Variants in HS2ST1 observed in about 807,000 individuals in gnomAD.
HS2ST1 encodes heparan sulfate 2-O-sulfotransferase 1, also known as 2-O-sulfotransferase.
Under a neutral mutation model 42.9 loss-of-function variants are expected in HS2ST1, and 18 were observed. That is an observed-to-expected ratio of 0.42 (90% confidence interval 0.29 to 0.62). The LOEUF is 0.62. Ranked by LOEUF, HS2ST1 falls within the 20% of genes least tolerant of loss-of-function variation. The pLI is 0.21. For missense variants in HS2ST1, 334 were observed against 433.8 expected (o/e 0.77, Z 2.04); for synonymous variants, 146 against 152.9 (o/e 0.95, Z 0.33).
chr1:87,024,035 G>A (rs952887451), intron 1 of HS2ST1, among the ~76,000 whole-genome samples: 12 of 152,114 alleles, frequency 7.9e-5, no homozygotes, highest in African/African-American at 2.4e-4. Flanking sequence ...AATGGATGTA[G>A]AAGATATAGG....
At position 86,992,981 on chromosome 1, in the gene HS2ST1, G is replaced by A. The variant is rs563389259; in HGVS notation, c.124+77821G>A. 101 of 1,290,144 alleles carry A rather than the reference G, an allele frequency of 7.8e-5. No individual in the cohort carries two copies. In the South Asian group the frequency reaches 1.0e-3, roughly 13 times the overall value. 79.9% of individuals were successfully genotyped at this position (1,290,144 alleles called of 1,614,324 possible). ...CCTGTTTGTTCACATTCTTCTTGGC[G>A]TCTGTGTCTATGTTCCTTTCCTCCC... On this transcript the variant is annotated intron_variant, in intron 1 of 6. Transcript: ENST00000370550.
chr1:87,034,231 C>G (rs1650315765), intron 1 of HS2ST1, among the ~76,000 whole-genome samples: 1 of 152,058 alleles, frequency 6.6e-6, no homozygotes, highest in Non-Finnish European at 1.5e-5. Flanking sequence ...TCATGACAAA[C>G]AAAAATGTAA....
intron 1 of HS2ST1, among the ~76,000 whole-genome samples, chr1:86,929,374 G>A (rs887371241): frequency 2.0e-5 from 3 of 151,774 alleles, no homozygotes; most frequent in African/African-American, 7.2e-5. Flanking sequence ...ATGAGTTATA[G>A]ATTTGACATT....
intron 1 of HS2ST1, among the ~76,000 whole-genome samples, chr1:86,974,832 G>A (rs1648347833): frequency 6.6e-6 from 1 of 152,152 alleles, no homozygotes; most frequent in South Asian, 2.1e-4. Context: ...CATGTCTTTA[G>A]GTCTGAGACT....
At chr1:86,979,744 T>TA (rs1219868874) in intron 1 of HS2ST1, among the ~76,000 whole-genome samples, 1 of 152,236 alleles carries the variant, frequency 6.6e-6, no homozygotes, top group Non-Finnish European at 1.5e-5. Flanking sequence ...TGCTCAGTCA[T>TA]ACGGTAATTC....
intron 5 of HS2ST1, among the ~76,000 whole-genome samples, chr1:87,099,829 C>G (rs924686299): frequency 2.0e-5 from 3 of 152,144 alleles, no homozygotes; most frequent in Non-Finnish European, 2.9e-5. Context: ...ATTTCCCTTC[C>G]AAAAGGGAGA....
intron 1 of HS2ST1, among the ~76,000 whole-genome samples, chr1:87,020,574 G>T (rs1157812401): frequency 6.6e-6 from 1 of 152,108 alleles, no homozygotes. Context: ...GTTTGTGAGG[G>T]CTGCCATAAC....
chr1:86,975,118 T>G (rs1240626443), intron 1 of HS2ST1, among the ~76,000 whole-genome samples: 1 of 152,146 alleles, frequency 6.6e-6, no homozygotes, highest in African/African-American at 2.4e-5. Context: ...CTTATGTATC[T>G]ACATGAACCT....
At chr1:87,046,257 T>C in intron 1 of HS2ST1, 1 of 773,524 alleles carries the variant, frequency 1.3e-6, no homozygotes, top group Non-Finnish European at 2.3e-6. Context: ...TGTGACCAAG[T>C]GTTACGAATG....
chr1:86,990,581 T>C (rs962507384), intron 1 of HS2ST1, among the ~76,000 whole-genome samples: 6 of 151,828 alleles, frequency 4.0e-5, no homozygotes, highest in African/African-American at 1.5e-4. Flanking sequence ...CAGTTTTTGT[T>C]TGACCCAGTC....
At chr1:87,004,265 C>A (rs547525914) in intron 1 of HS2ST1, among the ~76,000 whole-genome samples, 2 of 152,074 alleles carry the variant, frequency 1.3e-5, no homozygotes, top group African/African-American at 4.8e-5. Context: ...GTGGCAGGCA[C>A]CTGTAATCCC....
chr1:86,963,562 A>G (rs1647920552), intron 1 of HS2ST1, among the ~76,000 whole-genome samples: 1 of 152,148 alleles, frequency 6.6e-6, no homozygotes, highest in African/African-American at 2.4e-5. Flanking sequence ...TTCTTTCTAC[A>G]CAGACACAGC....
chr1:87,061,702 A>G (rs1177153200), intron 1 of HS2ST1, among the ~76,000 whole-genome samples: 1 of 152,084 alleles, frequency 6.6e-6, no homozygotes, highest in Non-Finnish European at 1.5e-5. Flanking sequence ...TGCTTTAAAC[A>G]TTTATAAGTA....
At chr1:87,037,490 G>A (rs1008689889) in intron 1 of HS2ST1, among the ~76,000 whole-genome samples, 1 of 151,434 alleles carries the variant, frequency 6.6e-6, no homozygotes, top group African/African-American at 2.4e-5. Flanking sequence ...AAAGTCCAAA[G>A]GTTATGTCAG....
At chr1:86,928,584 T>C (rs1660471395) in intron 1 of HS2ST1, among the ~76,000 whole-genome samples, 1 of 151,970 alleles carries the variant, frequency 6.6e-6, no homozygotes, top group Non-Finnish European at 1.5e-5. Flanking sequence ...CAGAATGTTA[T>C]ACACCTCTGG....
intron 1 of HS2ST1, chr1:87,045,729 A>G (rs1054474130): frequency 1.1e-6 from 1 of 893,930 alleles, no homozygotes. Context: ...TTTGATATCA[A>G]ATCTACTCTT....
intron 1 of HS2ST1, among the ~76,000 whole-genome samples, chr1:86,945,374 CTGCATATCCAACTG>C (rs933993562): frequency 2.0e-5 from 3 of 152,212 alleles, no homozygotes; most frequent in African/African-American, 7.2e-5. Context: ...TGAATGCTTA[CTGCATATCCAACTG>C]TGTTAGGCTC....
intron 1 of HS2ST1, among the ~76,000 whole-genome samples, chr1:86,951,667 G>T (rs533647647): frequency 1.2e-4 from 18 of 152,290 alleles, no homozygotes; most frequent in Admixed American, 1.0e-3. Flanking sequence ...GGTGACTGTG[G>T]CAATTTCTTC....
intron 1 of HS2ST1, among the ~76,000 whole-genome samples, chr1:86,954,232 C>T (rs1647613256): frequency 6.6e-6 from 1 of 151,804 alleles, no homozygotes; most frequent in African/African-American, 2.4e-5. Flanking sequence ...ACCTGTAGTC[C>T]TAGCTACTTG....
Sources: allele counts gnomAD v4.1 joint callset (sites outside exome capture counted in the v4.1 genomes callset), GRCh38; gene constraint gnomAD v4.1.1; transcripts MANE v1.5; gene names NCBI Gene and HGNC (gene_info 2026-07-23, HGNC 2026-07-21).